PAPOLA: variants seen among roughly 807,000 people sequenced by gnomAD.
PAPOLA encodes the protein poly(A) polymerase alpha.
In PAPOLA, 15 loss-of-function variants were observed where a neutral mutation model predicts 100.6. That is an observed-to-expected ratio of 0.15 (90% CI 0.10 to 0.23). The LOEUF is 0.23. PAPOLA is among the 10% of genes least tolerant of loss of function. The pLI is 1.00. For synonymous variants in PAPOLA, 293 were observed against 300.0 expected, an observed-to-expected ratio of 0.98 and a Z score of 0.24; for missense variants, 533 against 884.2, an observed-to-expected ratio of 0.60 and a Z score of 5.04.
chr14:96,508,009 G>A (rs988805144), intron 1 of PAPOLA, among the ~76,000 whole-genome samples: 1 of 152,180 alleles, frequency 6.6e-6, no homozygotes, highest in Non-Finnish European at 1.5e-5. Context: ...CCGAGTAGCT[G>A]AGATTATAGG....
chr14:96,559,016 A>AT (rs753986932), intron 19 of PAPOLA, among the ~76,000 whole-genome samples: 3,290 of 131,362 alleles, frequency 0.025, 67 homozygotes, highest in African/African-American at 0.055. Context: ...TTTCCCTGTA[A>AT]TTTTTTTTTT....
chr14:96,552,415 G>T (rs1900915352), intron 16 of PAPOLA, 65 bp from the exon 17 acceptor site: 1 of 1,398,910 alleles, frequency 7.1e-7, no homozygotes, highest in Admixed American at 1.7e-5. Flanking sequence ...TAAGTAAAAG[G>T]TTTCCATGTT....
At position 96,520,246 on chromosome 14, in the gene PAPOLA, A is replaced by AT. The variant is rs750452890; in HGVS notation, c.182+25dup. The AT allele has an allele frequency of 2.5e-5, 39 of 1,578,790 alleles. No individual in the cohort carries two copies. The highest frequency in any genetic ancestry group is 5.6e-5 in the Admixed American group (3 of 53,368). On this transcript the variant is annotated intron_variant, in intron 2 of 21. Coordinates refer to ENST00000216277, the MANE Select transcript of PAPOLA (RefSeq NM_032632.5). ...CAGCGCAGGTAAATAGATATTCTATATTTTTTTAACTCGGAAACTTTTATT... is the reference window on the plus strand; with the variant it reads ...CAGCGCAGGTAAATAGATATTCTATATTTTTTTTAACTCGGAAACTTTTATT...
intron 9 of PAPOLA, chr14:96,533,477 A>G (rs1324392398): frequency 1.0e-6 from 1 of 984,300 alleles, no homozygotes; most frequent in South Asian, 4.7e-5. Flanking sequence ...TTCAGTACAC[A>G]TTCTGGCTGT....
chr14:96,563,562 G>A (rs142837320), intron 21 of PAPOLA, among the ~76,000 whole-genome samples: 1 of 152,178 alleles, frequency 6.6e-6, no homozygotes, highest in African/African-American at 2.4e-5. Flanking sequence ...TGATAAAACT[G>A]GTTAATGTCT....
chr14:96,524,328 T>A (rs1898271602), intron 3 of PAPOLA, among the ~76,000 whole-genome samples: 1 of 152,172 alleles, frequency 6.6e-6, no homozygotes, highest in Admixed American at 6.5e-5. Context: ...TTTGAATGCT[T>A]TCTCCCTCTT....
chr14:96,550,385 T>C (rs1408895693), intron 16 of PAPOLA, among the ~76,000 whole-genome samples: 1 of 152,190 alleles, frequency 6.6e-6, no homozygotes, highest in Non-Finnish European at 1.5e-5. Context: ...GGAACCATCT[T>C]GTGTACATTT....
At chr14:96,560,935 A>C (rs1395814371) in intron 20 of PAPOLA, among the ~76,000 whole-genome samples, 1 of 152,244 alleles carries the variant, frequency 6.6e-6, no homozygotes, top group Non-Finnish European at 1.5e-5. Context: ...AAGATAAGTC[A>C]TGAATGTAAT....
At chr14:96,506,965 C>T (rs1896757572) in intron 1 of PAPOLA, among the ~76,000 whole-genome samples, 4 of 152,170 alleles carry the variant, frequency 2.6e-5, no homozygotes, top group African/African-American at 9.7e-5. Context: ...ATTGAAAATA[C>T]TAAATACTCC....
intron 19 of PAPOLA, among the ~76,000 whole-genome samples, chr14:96,559,449 A>G (rs986016899): frequency 3.3e-5 from 5 of 151,758 alleles, no homozygotes; most frequent in African/African-American, 1.2e-4. Context: ...AGTTCTGCTT[A>G]ATGGTCATCA....
Position 96,531,631 on chromosome 14 carries a change from G to C in PAPOLA, c.607+45G>C, listed in dbSNP as rs375962040. 1.8e-5 allele frequency: 28 copies of C among 1,560,402 alleles called. No individual in the cohort carries two copies. The African/African-American group carries it at 3.5e-4, about 20-fold the overall frequency. On this transcript the variant is annotated intron_variant, in intron 7 of 21. Transcript: ENST00000216277. ...CTTTTGTGTACTTCAGTTTTTGTCA[G>C]ATATTAGTTGTTTTTACACAAGTTT...
intron 14 of PAPOLA, 67 bp from the exon 15 acceptor site, chr14:96,544,082 G>T: frequency 1.2e-6 from 1 of 842,224 alleles, no homozygotes; most frequent in Non-Finnish European, 2.0e-6. Context: ...GTCTCTGATT[G>T]TCAGCCACAC....
At chr14:96,505,674 A>G (rs1022901507) in intron 1 of PAPOLA, among the ~76,000 whole-genome samples, 2 of 152,210 alleles carry the variant, frequency 1.3e-5, no homozygotes, top group Non-Finnish European at 2.9e-5. Flanking sequence ...TGTGCTTCCC[A>G]GAGCGGGATC....
At position 96,520,050 on chromosome 14, in the gene PAPOLA, T is replaced by C. The variant is rs760443747; in HGVS notation, c.9-5T>C. ...GGCAGTAATTGTATCCAATTTTGTT[T>C]ATAGTCCAGTTACAACACAGGGATC... is the stretch of plus-strand genomic sequence containing the variant. On this transcript the variant is annotated splice_region_variant and splice_polypyrimidine_tract_variant and intron_variant, in intron 1 of 21. Coordinates refer to ENST00000216277, the MANE Select transcript of PAPOLA (RefSeq NM_032632.5). 7.5e-6 allele frequency: 12 copies of C among 1,592,212 alleles called. No individual in the cohort carries two copies. The highest frequency in any genetic ancestry group is 4.6e-5 in the South Asian group (4 of 86,254).
Position 96,556,525 on chromosome 14 carries a change from C to G in PAPOLA, c.2004+112C>G, listed in dbSNP as rs1406017813. On this transcript the variant is annotated intron_variant, in intron 19 of 21. Transcript: ENST00000216277. ...AATAGAGAAGGATCAAGGAACAAAG[C>G]TTTTAGAAAATTTTAGGTGTGTCTG... 7 of 769,478 alleles carry G rather than the reference C, an allele frequency of 9.1e-6. No individual in the cohort carries two copies. In the Admixed American group the frequency reaches 1.6e-4, roughly 17 times the overall value. 47.7% of individuals were successfully genotyped at this position (769,478 alleles called of 1,614,324 possible).
At chr14:96,525,455 G>A (rs367884964) in intron 4 of PAPOLA, 64 bp downstream of exon 4, 21 of 678,004 alleles carry the variant, frequency 3.1e-5, no homozygotes, top group Admixed American at 8.9e-5. Context: ...TGACATACCC[G>A]TCTCAGTTAC....
Position 96,532,320 on chromosome 14 carries a change from C to G in PAPOLA, c.608-11C>G. The G allele has an allele frequency of 1.3e-6, 2 of 1,596,440 alleles. No homozygotes were observed. The highest frequency in any genetic ancestry group is 1.1e-5 in the South Asian group (1 of 87,432). On this transcript the variant is annotated splice_polypyrimidine_tract_variant and intron_variant, in intron 7 of 21. Coordinates refer to ENST00000216277, the MANE Select transcript of PAPOLA (RefSeq NM_032632.5). Reference sequence around the variant, plus strand: ...TGTGTGTGTGTGTTTTTTTTTACCCCTATTAATTAGGTTGCAGGGTAACCG... The same window carrying G: ...TGTGTGTGTGTGTTTTTTTTTACCCGTATTAATTAGGTTGCAGGGTAACCG...
At chr14:96,533,559 T>C (rs953777514) in intron 9 of PAPOLA, 2 of 958,838 alleles carry the variant, frequency 2.1e-6, no homozygotes, top group Non-Finnish European at 2.5e-6. Flanking sequence ...TTTTTTTTTT[T>C]TTTTTTTTTG....
intron 1 of PAPOLA, chr14:96,504,785 G>A (rs971208375): frequency 6.6e-6 from 1 of 152,172 alleles, no homozygotes; most frequent in African/African-American, 2.4e-5. Flanking sequence ...TCCTCATTAA[G>A]TTGCTTTGTT....
Sources: gnomAD v4.1 joint callset for allele counts (sites outside exome capture counted in the v4.1 genomes callset) on GRCh38, gnomAD v4.1.1 for gene constraint, MANE v1.5 for transcripts, NCBI Gene and HGNC (gene_info 2026-07-23, HGNC 2026-07-21) for gene names.